Variants in LRBA observed in about 807,000 individuals in gnomAD.
The protein encoded by LRBA is LPS responsive beige-like anchor protein, also known as lipopolysaccharide-responsive and beige-like anchor protein.
LRBA carries 176 observed loss-of-function variants against 330.0 expected under a neutral mutation model. The ratio of observed to expected loss-of-function variants is 0.53; its 90% confidence interval spans 0.47 to 0.60. The LOEUF is 0.60. Among genes scored for constraint, LRBA ranks in the 20% least tolerant of loss-of-function variants. LRBA has a pLI of 0.00. For synonymous variants in LRBA, 1,230 were observed against 1,193.0 expected, an observed-to-expected ratio of 1.03 and a Z score of -0.64; for missense variants, 3,259 against 3,444.8, an observed-to-expected ratio of 0.95 and a Z score of 1.35.
At chr4:150,916,139 A>G (rs538131534) in intron 7 of LRBA, among the ~76,000 whole-genome samples, 1 of 152,288 alleles carries the variant, frequency 6.6e-6, no homozygotes, top group Non-Finnish European at 1.5e-5. Context: ...AAGCAAACAC[A>G]TATTAAATTT....
Position 150,831,818 on chromosome 4 carries a change from A to G in LRBA, c.4728T>C (p.Ser1576=), listed in dbSNP as rs998210008. 1 of 1,584,000 alleles carries G rather than the reference A, an allele frequency of 6.3e-7. No homozygotes were observed. The highest frequency in any genetic ancestry group is 1.8e-5 in the Admixed American group (1 of 55,494). ...TGSENENVSL[S]EITPAAFSTL... Reference sequence around the variant, plus strand: ...AAGGAATAGAAAATGCAAACTTACCAGAGAGTGATACATTCTCATTTTCAC... The same window carrying G: ...AAGGAATAGAAAATGCAAACTTACCGGAGAGTGATACATTCTCATTTTCAC... The change falls in exon 29 of 57, where the codon TCT becomes TCC. Residue 1576 remains serine, a splice_region_variant and synonymous_variant. Coordinates refer to ENST00000651943, the MANE Select transcript of LRBA (RefSeq NM_001364905.1).
chr4:150,872,789 G>T (rs761212822), intron 17 of LRBA, 34 bp from the exon 18 acceptor site: 2 of 1,119,016 alleles, frequency 1.8e-6, no homozygotes, highest in African/African-American at 1.6e-5. Context: ...AAACTATTTT[G>T]AGTATAATTT....
At chr4:150,436,670 C>G in intron 45 of LRBA, 54 bp downstream of exon 45, 1 of 1,491,472 alleles carries the variant, frequency 6.7e-7, no homozygotes, top group Non-Finnish European at 9.1e-7. Flanking sequence ...TTTTGCATAT[C>G]CTTCACAACA....
chr4:150,906,391 G>T lies in LRBA; in HGVS notation c.1508C>A (p.Ala503Asp). The T allele has an allele frequency of 6.2e-7, 1 of 1,601,860 alleles. No homozygotes were observed. Among genetic ancestry groups the T allele is most frequent in the Non-Finnish European group, 8.5e-7 (1 of 1,171,022 alleles). The change falls in exon 12 of 57, where the codon GCC becomes GAC. Residue 503 changes from alanine (A) to aspartate (D), a missense_variant. By Grantham distance (126) the Ala-to-Asp change is moderately radical. Coordinates refer to ENST00000651943, the MANE Select transcript of LRBA (RefSeq NM_001364905.1). ...IDLTICSTLL[A>D]FIMELLKNSI... ...GTTCTTCAACAATTCCATGATAAAG[G>T]CCAGCAAGGTTGAACTAGAATTTTT...
At chr4:150,660,432 G>A (rs1189681613) in intron 37 of LRBA, among the ~76,000 whole-genome samples, 3 of 149,214 alleles carry the variant, frequency 2.0e-5, no homozygotes, top group African/African-American at 2.4e-5. Flanking sequence ...CTACTGGGAA[G>A]TGAGGAGCCC....
rs1349212737 is a variant in LRBA at position 150,467,653 on chromosome 4, C to T, written c.6780+20G>A. On this transcript the variant is annotated intron_variant, in intron 44 of 56. Coordinates refer to ENST00000651943, the MANE Select transcript of LRBA (RefSeq NM_001364905.1). Reference sequence around the variant, plus strand: ...TTATATGCAAGACAATTATATTTCACATCATTACTGAGAAATTACCTTGGA... The same window carrying T: ...TTATATGCAAGACAATTATATTTCATATCATTACTGAGAAATTACCTTGGA... 2 of 1,337,634 alleles carry T rather than the reference C, an allele frequency of 1.5e-6. No homozygotes were observed. Among genetic ancestry groups the T allele is most frequent in the Non-Finnish European group, 1.1e-6 (1 of 940,140 alleles). 82.9% of individuals were successfully genotyped at this position (1,337,634 alleles called of 1,614,324 possible).
intron 53 of LRBA, among the ~76,000 whole-genome samples, chr4:150,297,582 C>T (rs549186978): frequency 6.6e-6 from 1 of 152,324 alleles, no homozygotes; most frequent in East Asian, 1.9e-4. Context: ...GAGACACACA[C>T]AAGAACTCTT....
intron 29 of LRBA, among the ~76,000 whole-genome samples, chr4:150,831,317 T>A (rs1747156926): frequency 6.6e-6 from 1 of 152,110 alleles, no homozygotes; most frequent in South Asian, 2.1e-4. Context: ...GGAAACAGAT[T>A]TTTTGTTTTG....
At chr4:150,406,486 T>C (rs1204169695) in intron 47 of LRBA, among the ~76,000 whole-genome samples, 1 of 152,066 alleles carries the variant, frequency 6.6e-6, no homozygotes, top group African/African-American at 2.4e-5. Flanking sequence ...AAAAATGGAT[T>C]GAAAATAAAA....
At chr4:150,984,466 G>A (rs1480889403) in intron 2 of LRBA, among the ~76,000 whole-genome samples, 1 of 151,746 alleles carries the variant, frequency 6.6e-6, no homozygotes, top group Non-Finnish European at 1.5e-5. Flanking sequence ...TGGAGATTGC[G>A]CCATTGCACT....
intron 35 of LRBA, among the ~76,000 whole-genome samples, chr4:150,737,060 T>A (rs2127147922): frequency 6.6e-6 from 1 of 152,138 alleles, no homozygotes; most frequent in African/African-American, 2.4e-5. Flanking sequence ...CCAAGAAAGT[T>A]TTTTTTAATT....
At chr4:150,483,407 G>T (rs1206553817) in intron 42 of LRBA, among the ~76,000 whole-genome samples, 1 of 149,326 alleles carries the variant, frequency 6.7e-6, no homozygotes, top group Non-Finnish European at 1.5e-5. Context: ...TAAGTCTTTT[G>T]TTTTTTTTTC....
intron 17 of LRBA, among the ~76,000 whole-genome samples, chr4:150,880,450 G>A (rs1226735052): frequency 1.3e-5 from 2 of 151,694 alleles, no homozygotes; most frequent in Non-Finnish European, 2.9e-5. Context: ...AGATGCAGAG[G>A]CAGAGGCTGT....
chr4:150,564,567 A>G (rs957149082), intron 40 of LRBA, among the ~76,000 whole-genome samples: 3 of 152,348 alleles, frequency 2.0e-5, no homozygotes, highest in Middle Eastern at 3.4e-3. Context: ...GCTTCTGCAC[A>G]GCAAAAGAAA....
intron 47 of LRBA, among the ~76,000 whole-genome samples, chr4:150,360,212 T>G (rs1484584456): frequency 6.6e-6 from 1 of 151,934 alleles, no homozygotes; most frequent in Admixed American, 6.6e-5. Flanking sequence ...AGGCCAGTCT[T>G]GAACTCCTGA....
chr4:150,388,462 C>G (rs1743400914), intron 47 of LRBA, among the ~76,000 whole-genome samples: 1 of 152,206 alleles, frequency 6.6e-6, no homozygotes, highest in Admixed American at 6.5e-5. Context: ...AAAGTCTCAT[C>G]TAAATATCAT....
chr4:150,804,131 A>G (rs1177787079), intron 33 of LRBA, among the ~76,000 whole-genome samples: 3 of 152,166 alleles, frequency 2.0e-5, no homozygotes, highest in Non-Finnish European at 2.9e-5. Flanking sequence ...TCAATTTTTA[A>G]AATTCAATTT....
chr4:150,335,982 C>T (rs1734675368), intron 48 of LRBA, among the ~76,000 whole-genome samples: 3 of 152,210 alleles, frequency 2.0e-5, no homozygotes. Flanking sequence ...AAGCCTAAGC[C>T]ACCACGCCTG....
chr4:150,297,729 C>A (rs760486373), intron 53 of LRBA, among the ~76,000 whole-genome samples: 2 of 152,182 alleles, frequency 1.3e-5, no homozygotes, highest in African/African-American at 4.8e-5. Context: ...ACTTCCTCAA[C>A]GGTAACTTAT....
Sources: allele counts gnomAD v4.1 joint callset (sites outside exome capture counted in the v4.1 genomes callset), GRCh38; gene constraint gnomAD v4.1.1; transcripts MANE v1.5; gene names NCBI Gene and HGNC (gene_info 2026-07-23, HGNC 2026-07-21).